USP33: variants seen among roughly 807,000 people sequenced by gnomAD.
USP33 encodes the protein ubiquitin carboxyl-terminal hydrolase 33.
USP33 carries 46 observed loss-of-function variants against 124.2 expected under a neutral mutation model. The observed-to-expected ratio is 0.37, with a 90% CI of 0.29 to 0.47. The LOEUF is 0.47. Among genes scored for constraint, USP33 ranks in the 20% least tolerant of loss-of-function variants. The pLI, the probability that USP33 is intolerant of heterozygous loss-of-function variation, is 0.99. For synonymous variants in USP33, 350 were observed against 352.3 expected, an observed-to-expected ratio of 0.99 and a Z score of 0.07; for missense variants, 851 against 1,070.6, an observed-to-expected ratio of 0.79 and a Z score of 2.86.
intron 1 of USP33, among the ~76,000 whole-genome samples, chr1:77,754,514 G>C (rs563687299): frequency 3.9e-5 from 6 of 152,146 alleles, no homozygotes; most frequent in East Asian, 1.9e-4. Context: ...GAAATCAGCT[G>C]ACAAGCATTT....
intron 13 of USP33, 32 bp from the exon 14 acceptor site, chr1:77,721,957 T>C (rs376896524): frequency 3.7e-6 from 6 of 1,602,010 alleles, no homozygotes; most frequent in African/African-American, 2.7e-5. Flanking sequence ...AAAAAGGAAG[T>C]GTTCTGCCAG....
chr1:77,742,112 C>T (rs951377071), intron 1 of USP33, among the ~76,000 whole-genome samples: 1 of 151,326 alleles, frequency 6.6e-6, no homozygotes, highest in African/African-American at 2.4e-5. Context: ...CACTTTTATC[C>T]TTTTAAAAAA....
chr1:77,713,867 C>T (rs531217287), intron 19 of USP33, among the ~76,000 whole-genome samples: 2 of 152,248 alleles, frequency 1.3e-5, no homozygotes, highest in Admixed American at 6.5e-5. Flanking sequence ...ATTATTCTTA[C>T]ACTCTCTCTC....
At chr1:77,714,873 T>C in intron 18 of USP33, 90 bp from the exon 19 acceptor site, 1 of 1,270,666 alleles carries the variant, frequency 7.9e-7, no homozygotes, top group Non-Finnish European at 1.1e-6. Context: ...TTAACACACA[T>C]ATTAACACTA....
At chr1:77,698,749 C>G (rs989468765) in intron 22 of USP33, among the ~76,000 whole-genome samples, 2 of 152,066 alleles carry the variant, frequency 1.3e-5, no homozygotes, top group Non-Finnish European at 2.9e-5. Context: ...ATCCACCCCC[C>G]TCGGCCTCCC....
intron 7 of USP33, among the ~76,000 whole-genome samples, chr1:77,732,681 T>TCC (rs1677960129): frequency 6.6e-6 from 1 of 151,948 alleles, no homozygotes; most frequent in African/African-American, 2.4e-5. Flanking sequence ...TCAAGCTCTT[T>TCC]CCCATCCCAA....
At chr1:77,726,051 G>A (rs1476308264) in intron 10 of USP33, among the ~76,000 whole-genome samples, 1 of 152,170 alleles carries the variant, frequency 6.6e-6, no homozygotes, top group Non-Finnish European at 1.5e-5. Context: ...CTGGATTCAA[G>A]CGATTCTTCT....
At chr1:77,725,227 T>G (rs1237800291) in intron 11 of USP33, among the ~76,000 whole-genome samples, 6 of 152,144 alleles carry the variant, frequency 3.9e-5, no homozygotes. Flanking sequence ...TATGACATTC[T>G]AGGAAAAGGC....
intron 21 of USP33, among the ~76,000 whole-genome samples, chr1:77,704,308 G>A (rs1203421861): frequency 5.3e-5 from 8 of 152,156 alleles, no homozygotes; most frequent in Non-Finnish European, 7.3e-5. Context: ...CGGGCTTTCT[G>A]TGATGTGCAA....
chr1:77,738,575 G>A (rs1040584350), intron 5 of USP33, among the ~76,000 whole-genome samples: 12 of 151,894 alleles, frequency 7.9e-5, no homozygotes, highest in African/African-American at 2.9e-4. Flanking sequence ...CTGCCTCCCA[G>A]GTTCACGCCA....
At chr1:77,732,789 CTTTTTTT>C (rs939934675) in intron 7 of USP33, among the ~76,000 whole-genome samples, 27 of 104,892 alleles carry the variant, frequency 2.6e-4, no homozygotes, top group South Asian at 1.8e-3. Context: ...AATGTCTCTT[CTTTTTTT>C]TTTTTTTTTT....
chr1:77,741,952 A>T (rs1327311517), intron 1 of USP33, among the ~76,000 whole-genome samples: 1 of 152,186 alleles, frequency 6.6e-6, no homozygotes, highest in Non-Finnish European at 1.5e-5. Context: ...AACACTGGAA[A>T]TTTCTCTACT....
intron 1 of USP33, among the ~76,000 whole-genome samples, chr1:77,754,422 T>C (rs760846979): frequency 6.6e-6 from 1 of 152,218 alleles, no homozygotes; most frequent in African/African-American, 2.4e-5. Flanking sequence ...AAGGAAGTTA[T>C]CAATGAAGAG....
intron 4 of USP33, 121 bp from the exon 5 acceptor site, chr1:77,739,538 G>A (rs1570834170): frequency 3.2e-6 from 3 of 934,210 alleles, no homozygotes; most frequent in Non-Finnish European, 4.5e-6. Flanking sequence ...ATACTCAAAA[G>A]CTAATTTAGA....
Position 77,697,221 on chromosome 1 carries a change from A to T in USP33, c.*96T>A. 1 of 1,188,154 alleles carries T rather than the reference A, an allele frequency of 8.4e-7. No homozygotes were observed. Among genetic ancestry groups the T allele is most frequent in the Non-Finnish European group, 1.2e-6 (1 of 869,176 alleles). The allele number at this position is 1,188,154 out of a possible 1,614,324, so 73.6% of individuals were successfully genotyped here. ...AATGGGATAAATGATGAAAAAAAAT[A>T]AAGCAAATAAACACGCTTTTAGGAA... On this transcript the variant is annotated 3_prime_UTR_variant, in exon 24 of 24. Transcript: ENST00000370794.
intron 21 of USP33, among the ~76,000 whole-genome samples, chr1:77,711,301 C>A (rs1284260117): frequency 2.0e-5 from 3 of 152,014 alleles, no homozygotes; most frequent in African/African-American, 4.8e-5. Context: ...GCCAAGACAG[C>A]AAATCACATG....
Position 77,718,651 on chromosome 1 carries a change from G to A in USP33, c.1692-10C>T, listed in dbSNP as rs754684462. The A allele has an allele frequency of 1.9e-6, 3 of 1,596,772 alleles. No homozygotes were observed. The African/African-American group carries it at 4.1e-5, about 22-fold the overall frequency. ...CACTCCATTTCTCAACCTAAGGGGA[G>A]AAAAGAGAAAATCAATTAGTCTACA... On this transcript the variant is annotated splice_polypyrimidine_tract_variant and intron_variant, in intron 15 of 23. Transcript: ENST00000370794.
intron 7 of USP33, among the ~76,000 whole-genome samples, chr1:77,731,978 C>A (rs1013553775): frequency 7.9e-5 from 12 of 151,936 alleles, no homozygotes; most frequent in Admixed American, 7.2e-4. Flanking sequence ...CTGGCATGCA[C>A]CTGTGGTCGT....
At chr1:77,741,554 G>T in intron 2 of USP33, 63 bp downstream of exon 2, 1 of 1,542,164 alleles carries the variant, frequency 6.5e-7, no homozygotes, top group South Asian at 1.2e-5. Flanking sequence ...AGTAATTTAT[G>T]AAAATTACAC....
Sources: gnomAD v4.1 joint callset for allele counts (sites outside exome capture counted in the v4.1 genomes callset) on GRCh38, gnomAD v4.1.1 for gene constraint, MANE v1.5 for transcripts, NCBI Gene and HGNC (gene_info 2026-07-23, HGNC 2026-07-21) for gene names.